Variants in DCAF6 observed in about 807,000 individuals in gnomAD.
The protein encoded by DCAF6 is DDB1 and CUL4 associated factor 6, also known as DDB1- and CUL4-associated factor 6.
DCAF6 carries 54 observed loss-of-function variants against 125.1 expected under a neutral mutation model. The ratio of observed to expected loss-of-function variants is 0.43; its 90% CI spans 0.35 to 0.54. The LOEUF (loss-of-function observed/expected upper bound fraction) is 0.54, where lower values mean the gene tolerates loss of function less well. Ranked by LOEUF, DCAF6 falls within the 20% of genes least tolerant of loss-of-function variation. The probability of loss-of-function intolerance (pLI) is 0.01; values close to 1 mark genes in which losing one functional copy is unlikely to be tolerated. For missense variants in DCAF6, 934 were observed against 1,161.7 expected, an observed-to-expected ratio of 0.80 and a Z score of 2.85; for synonymous variants, 371 against 390.4, an observed-to-expected ratio of 0.95 and a Z score of 0.58.
chr1:167,916,426 C>T, the DCAF6 span, among the ~76,000 whole-genome samples: 9,101 of 152,254 alleles, frequency 0.06, 318 homozygotes, highest in Middle Eastern at 0.12. Flanking sequence ...AGGCTGGTCT[C>T]GAACTCCTGC....
intron 3 of DCAF6, among the ~76,000 whole-genome samples, chr1:167,973,239 GTTTC>G (rs1359821754): frequency 6.6e-6 from 1 of 152,176 alleles, no homozygotes; most frequent in Non-Finnish European, 1.5e-5. Context: ...TTGTCTGATT[GTTTC>G]TTCATGAGTA....
At chr1:167,900,350 G>T in the DCAF6 span, among the ~76,000 whole-genome samples, 1 of 151,998 alleles carries the variant, frequency 6.6e-6, no homozygotes, top group Non-Finnish European at 1.5e-5. Flanking sequence ...ACTGATGTTT[G>T]GACTTACTCT....
At chr1:167,910,368 T>C in the DCAF6 span, among the ~76,000 whole-genome samples, 1 of 152,266 alleles carries the variant, frequency 6.6e-6, no homozygotes, top group African/African-American at 2.4e-5. Flanking sequence ...TGAGGAATGA[T>C]GGCAGAGACT....
intron 12 of DCAF6, among the ~76,000 whole-genome samples, chr1:168,032,215 T>C (rs1330859756): frequency 6.6e-6 from 1 of 152,230 alleles, no homozygotes; most frequent in Non-Finnish European, 1.5e-5. Flanking sequence ...GCTTGCATAG[T>C]ATCACTTCTG....
At chr1:168,018,026 C>G (rs1392284822) in intron 11 of DCAF6, among the ~76,000 whole-genome samples, 1 of 152,156 alleles carries the variant, frequency 6.6e-6, no homozygotes, top group African/African-American at 2.4e-5. Flanking sequence ...AGAATTTCTG[C>G]ATTACATTGT....
intron 1 of DCAF6, among the ~76,000 whole-genome samples, chr1:167,938,700 T>A (rs935834573): frequency 6.6e-6 from 1 of 152,236 alleles, no homozygotes; most frequent in Non-Finnish European, 1.5e-5. Flanking sequence ...CATTTATAAT[T>A]TGGTCCTTTA....
At chr1:167,928,925 G>A in the DCAF6 span, among the ~76,000 whole-genome samples, 1 of 152,174 alleles carries the variant, frequency 6.6e-6, no homozygotes, top group Non-Finnish European at 1.5e-5. Context: ...GAAAGAAATT[G>A]TCCACATCAA....
At chr1:167,953,251 A>G (rs1033484375) in intron 2 of DCAF6, among the ~76,000 whole-genome samples, 1 of 152,132 alleles carries the variant, frequency 6.6e-6, no homozygotes, top group African/African-American at 2.4e-5. Context: ...TCTCTCACTT[A>G]CCTGTAAAGC....
chr1:167,922,607 A>C, the DCAF6 span, among the ~76,000 whole-genome samples: 5 of 152,048 alleles, frequency 3.3e-5, no homozygotes, highest in Non-Finnish European at 5.9e-5. Flanking sequence ...GAAAAAAAAA[A>C]CCTGCTCCCT....
chr1:167,879,482 T>C, the DCAF6 span, among the ~76,000 whole-genome samples: 7 of 152,280 alleles, frequency 4.6e-5, no homozygotes, highest in South Asian at 2.1e-4. Flanking sequence ...TGAATTTCCA[T>C]ATACCCATCA....
the DCAF6 span, chr1:167,893,968 C>A: frequency 2.3e-5 from 36 of 1,571,380 alleles, no homozygotes; most frequent in Non-Finnish European, 3.2e-5. Context: ...AGGGTGCAGG[C>A]TCAGAGAGGG....
At chr1:167,910,183 A>G in the DCAF6 span, among the ~76,000 whole-genome samples, 1 of 152,200 alleles carries the variant, frequency 6.6e-6, no homozygotes, top group Non-Finnish European at 1.5e-5. Flanking sequence ...TCGTCCTGCT[A>G]CAATGGTATC....
chr1:168,014,275 C>A (rs946280550), intron 10 of DCAF6, among the ~76,000 whole-genome samples: 2 of 152,144 alleles, frequency 1.3e-5, no homozygotes, highest in African/African-American at 4.8e-5. Context: ...CTTAGTATCT[C>A]TTTTAGTATA....
the DCAF6 span, among the ~76,000 whole-genome samples, chr1:167,876,240 A>G: frequency 1.7e-4 from 25 of 151,134 alleles, no homozygotes; most frequent in Non-Finnish European, 2.9e-4. Flanking sequence ...CTGGGCAACA[A>G]AAGCAAAGCT....
intron 6 of DCAF6, 69 bp downstream of exon 6, chr1:167,991,408 G>A: frequency 7.1e-7 from 1 of 1,413,162 alleles, no homozygotes; most frequent in Non-Finnish European, 9.4e-7. Flanking sequence ...GACATTTTCA[G>A]TTTTAAAATT....
chr1:167,869,884 C>A, the DCAF6 span, among the ~76,000 whole-genome samples: 1 of 152,120 alleles, frequency 6.6e-6, no homozygotes. Context: ...GGGGTTTTGT[C>A]TGCAGCTGGT....
chr1:167,950,252 C>T (rs528060986), intron 1 of DCAF6, among the ~76,000 whole-genome samples: 3 of 152,042 alleles, frequency 2.0e-5, no homozygotes, highest in Admixed American at 1.3e-4. Context: ...TTTCTTAACT[C>T]GTATAACTCA....
the DCAF6 span, chr1:167,917,507 A>C: frequency 6.6e-6 from 1 of 150,486 alleles, no homozygotes; most frequent in East Asian, 2.0e-4. Flanking sequence ...CTGAGGCAGG[A>C]GGATCACTTG....
the DCAF6 span, among the ~76,000 whole-genome samples, chr1:167,896,375 G>C: frequency 6.6e-6 from 1 of 152,188 alleles, no homozygotes; most frequent in Non-Finnish European, 1.5e-5. Context: ...TGATGGATGA[G>C]GGAAAGGAGT....
Sources: gnomAD v4.1 joint callset for allele counts (sites outside exome capture counted in the v4.1 genomes callset) on GRCh38, gnomAD v4.1.1 for gene constraint, MANE v1.5 for transcripts, NCBI Gene and HGNC (gene_info 2026-07-23, HGNC 2026-07-21) for gene names.